The following EPHA6 variants were observed in gnomAD, a reference collection of about 807,000 sequenced individuals.
EPHA6 encodes the protein ephrin type-A receptor 6.
EPHA6 carries 50 observed loss-of-function variants against 112.0 expected under a neutral mutation model. The observed-to-expected ratio is 0.45, with a 90% confidence interval of 0.36 to 0.56. EPHA6 has a LOEUF of 0.56. Among genes scored for constraint, EPHA6 ranks in the 20% least tolerant of loss-of-function variants. The pLI, the probability that EPHA6 is intolerant of heterozygous loss-of-function variation, is 0.00. For synonymous variants in EPHA6, 529 were observed against 490.7 expected, an observed-to-expected ratio of 1.08 and a Z score of -1.03; for missense variants, 1,280 against 1,417.4, an observed-to-expected ratio of 0.90 and a Z score of 1.56.
chr3:97,408,590 C>T (rs1409437030), intron 6 of EPHA6, among the ~76,000 whole-genome samples: 2 of 151,994 alleles, frequency 1.3e-5, no homozygotes, highest in Non-Finnish European at 2.9e-5. Context: ...TTTTGGAAAG[C>T]AGGAAGTTCA....
At chr3:96,842,512 T>C (rs898172142) in intron 1 of EPHA6, among the ~76,000 whole-genome samples, 18 of 152,208 alleles carry the variant, frequency 1.2e-4, no homozygotes, top group African/African-American at 4.3e-4. Flanking sequence ...TAATTATTTC[T>C]TTAGCACTAC....
intron 3 of EPHA6, among the ~76,000 whole-genome samples, chr3:97,029,421 G>C (rs960192606): frequency 6.6e-6 from 1 of 151,778 alleles, no homozygotes; most frequent in Non-Finnish European, 1.5e-5. Context: ...GCCTAAAATA[G>C]TTTATGTAAG....
chr3:97,426,846 C>G (rs561059687), intron 6 of EPHA6, among the ~76,000 whole-genome samples: 1 of 152,086 alleles, frequency 6.6e-6, no homozygotes, highest in Non-Finnish European at 1.5e-5. Flanking sequence ...CACAAATTAA[C>G]AGGCGAAAGG....
At chr3:97,573,158 G>A (rs564964527) in intron 11 of EPHA6, among the ~76,000 whole-genome samples, 12 of 152,268 alleles carry the variant, frequency 7.9e-5, no homozygotes, top group Admixed American at 1.3e-4. Context: ...CTGTGTCTGC[G>A]TTGAATAACT....
intron 3 of EPHA6, among the ~76,000 whole-genome samples, chr3:97,110,495 TG>T (rs1215232577): frequency 1.7e-4 from 26 of 152,142 alleles, no homozygotes; most frequent in African/African-American, 5.3e-4. Context: ...AATGTTAGAT[TG>T]CCAGTATAAC....
chr3:96,916,089 A>AT (rs2039470578), intron 2 of EPHA6, among the ~76,000 whole-genome samples: 1 of 152,158 alleles, frequency 6.6e-6, no homozygotes, highest in South Asian at 2.1e-4. Context: ...ATTATGAAGT[A>AT]TTTAAGTCCT....
At chr3:97,356,716 A>T (rs114056011) in intron 5 of EPHA6, among the ~76,000 whole-genome samples, 1,926 of 152,088 alleles carry the variant, frequency 0.013, 36 homozygotes, top group African/African-American at 0.043. Flanking sequence ...TAGTGGCCTA[A>T]CATGTTGGTT....
intron 2 of EPHA6, 136 bp from the exon 3 acceptor site, chr3:96,987,194 T>G: frequency 2.8e-6 from 2 of 726,848 alleles, no homozygotes; most frequent in Non-Finnish European, 4.4e-6. Flanking sequence ...TGCTGTTCCA[T>G]TGATACTTTG....
intron 3 of EPHA6, among the ~76,000 whole-genome samples, chr3:97,141,657 A>C (rs922567876): frequency 6.6e-6 from 1 of 151,988 alleles, no homozygotes; most frequent in Non-Finnish European, 1.5e-5. Context: ...ACATATCAAA[A>C]CCTCTGGGAA....
intron 1 of EPHA6, among the ~76,000 whole-genome samples, chr3:96,863,335 C>T (rs574122227): frequency 3.0e-4 from 45 of 151,882 alleles, no homozygotes; most frequent in Non-Finnish European, 5.6e-4. Flanking sequence ...AGGAGGAGCT[C>T]TCACCTTGCT....
chr3:97,484,728 T>C (rs1013482536), intron 10 of EPHA6, among the ~76,000 whole-genome samples: 3 of 152,204 alleles, frequency 2.0e-5, no homozygotes, highest in Non-Finnish European at 4.4e-5. Context: ...GGAGCTGTCA[T>C]TCAGGGGGAC....
chr3:97,059,752 TAATA>T (rs541356467), intron 3 of EPHA6, among the ~76,000 whole-genome samples: 82 of 151,386 alleles, frequency 5.4e-4, no homozygotes, highest in African/African-American at 1.7e-3. Flanking sequence ...AAAGAATTTA[TAATA>T]AATAAATATT....
chr3:97,370,445 C>T (rs1305454158), intron 5 of EPHA6, among the ~76,000 whole-genome samples: 1 of 152,100 alleles, frequency 6.6e-6, no homozygotes, highest in Admixed American at 6.6e-5. Context: ...AATAGCACTA[C>T]TATATTATGG....
At chr3:97,730,206 G>C (rs2034975411) in intron 15 of EPHA6, among the ~76,000 whole-genome samples, 2 of 151,952 alleles carry the variant, frequency 1.3e-5, no homozygotes, top group Non-Finnish European at 2.9e-5. Context: ...TGCCTTCTTT[G>C]ATTCAGAAAC....
intron 11 of EPHA6, among the ~76,000 whole-genome samples, chr3:97,579,886 T>A (rs940956394): frequency 1.3e-4 from 19 of 151,912 alleles, no homozygotes; most frequent in Non-Finnish European, 2.1e-4. Context: ...AAGCATCTTT[T>A]AAAAAAAACT....
intron 5 of EPHA6, among the ~76,000 whole-genome samples, chr3:97,360,870 C>T (rs2084336280): frequency 6.6e-6 from 1 of 152,206 alleles, no homozygotes; most frequent in African/African-American, 2.4e-5. Flanking sequence ...TACTATCTCC[C>T]CTCATGCATT....
intron 3 of EPHA6, among the ~76,000 whole-genome samples, chr3:97,067,741 A>G (rs928261508): frequency 2.6e-5 from 4 of 152,028 alleles, no homozygotes; most frequent in African/African-American, 7.2e-5. Context: ...GACCTGATTA[A>G]CATTTGAGAC....
chr3:97,279,762 A>T (rs985582026), intron 5 of EPHA6, among the ~76,000 whole-genome samples: 1 of 152,244 alleles, frequency 6.6e-6, no homozygotes, highest in Non-Finnish European at 1.5e-5. Context: ...TTTCTTTAGA[A>T]AAAAGGTCAG....
chr3:97,437,446 A>C (rs1445266044), intron 6 of EPHA6, among the ~76,000 whole-genome samples: 1 of 152,150 alleles, frequency 6.6e-6, no homozygotes. Flanking sequence ...TTTATATTTG[A>C]ATAAATCAAC....
Sources: gnomAD v4.1 joint callset for allele counts (sites outside exome capture counted in the v4.1 genomes callset) on GRCh38, gnomAD v4.1.1 for gene constraint, MANE v1.5 for transcripts, NCBI Gene and HGNC (gene_info 2026-07-23, HGNC 2026-07-21) for gene names.